Variants in GTF3C3 observed in about 807,000 individuals in gnomAD.
GTF3C3 encodes the protein general transcription factor 3C polypeptide 3.
Under a neutral mutation model 105.2 loss-of-function variants are expected in GTF3C3, and 75 were observed. The observed-to-expected ratio is 0.71, with a 90% CI of 0.59 to 0.86. The LOEUF is 0.86. GTF3C3 is among the 40% of genes least tolerant of loss of function. The probability of loss-of-function intolerance (pLI) is 0.00; values close to 1 mark genes in which losing one functional copy is unlikely to be tolerated. For missense variants in GTF3C3, 856 were observed against 1,076.5 expected, an observed-to-expected ratio of 0.80 and a Z score of 2.87; for synonymous variants, 335 against 370.4, an observed-to-expected ratio of 0.90 and a Z score of 1.10.
intron 12 of GTF3C3, 57 bp from the exon 13 acceptor site, chr2:196,775,308 CAA>C: frequency 6.7e-7 from 1 of 1,500,068 alleles, no homozygotes. Flanking sequence ...TGTTTAGAGA[CAA>C]AGTCTTGTTA....
At chr2:196,766,436 C>T (rs1699070503) in intron 17 of GTF3C3, 129 bp downstream of exon 17, 5 of 676,450 alleles carry the variant, frequency 7.4e-6, no homozygotes, top group Admixed American at 2.9e-5. Flanking sequence ...AACATAATTA[C>T]GTAAACATAC....
At chr2:196,778,701 G>C in intron 10 of GTF3C3, 195 bp downstream of exon 10, 1 of 591,102 alleles carries the variant, frequency 1.7e-6, no homozygotes, top group East Asian at 2.9e-5. Context: ...GCATCATTAA[G>C]TAAATCATTC....
At chr2:196,785,059 A>C (rs1699433952) in intron 7 of GTF3C3, 130 bp from the exon 8 acceptor site, 3 of 631,100 alleles carry the variant, frequency 4.8e-6, no homozygotes, top group Non-Finnish European at 8.0e-6. Flanking sequence ...GAGTCTTTTA[A>C]AAATGAGAAA....
At chr2:196,796,313 T>C (rs1332554210) in intron 2 of GTF3C3, among the ~76,000 whole-genome samples, 1 of 152,204 alleles carries the variant, frequency 6.6e-6, no homozygotes, top group Non-Finnish European at 1.5e-5. Flanking sequence ...TGAATTGGAC[T>C]CAGCTCACTC....
intron 17 of GTF3C3, among the ~76,000 whole-genome samples, chr2:196,766,093 T>A (rs944163301): frequency 1.3e-5 from 2 of 151,956 alleles, no homozygotes; most frequent in Non-Finnish European, 2.9e-5. Context: ...TACAGTGCTA[T>A]GTTAAAATAC....
At position 196,785,033 on chromosome 2, in the gene GTF3C3, G is replaced by C. The variant is rs556521265; in HGVS notation, c.1042-104C>G. 14 of 737,932 alleles carry C rather than the reference G, an allele frequency of 1.9e-5. No individual in the cohort carries two copies. The African/African-American group carries it at 2.1e-4, about 11-fold the overall frequency. 45.7% of individuals were successfully genotyped at this position (737,932 alleles called of 1,614,324 possible). On this transcript the variant is annotated intron_variant, in intron 7 of 17. Coordinates refer to ENST00000263956, the MANE Select transcript of GTF3C3 (RefSeq NM_012086.5). ...TTCAAATAATCCCTAATATAAAGTT[G>C]GGCTATAAAAAGAAAGAGTCTTTTA...
chr2:196,790,463 A>G (rs1305791377), intron 4 of GTF3C3, among the ~76,000 whole-genome samples: 3 of 152,210 alleles, frequency 2.0e-5, no homozygotes, highest in Admixed American at 6.5e-5. Context: ...GGAGTATGGT[A>G]TGAATGAACA....
chr2:196,782,964 C>T (rs1270625703), intron 8 of GTF3C3, among the ~76,000 whole-genome samples: 1 of 152,164 alleles, frequency 6.6e-6, no homozygotes, highest in East Asian at 1.9e-4. Flanking sequence ...TTCTCCTGAA[C>T]TCCCATTAGG....
At chr2:196,791,578 A>C (rs1485435340) in intron 3 of GTF3C3, 118 bp from the exon 4 acceptor site, 1 of 844,962 alleles carries the variant, frequency 1.2e-6, no homozygotes, top group Non-Finnish European at 1.8e-6. Context: ...AAAAATTTTC[A>C]GTTTTTGCAA....
At chr2:196,771,403 C>G (rs1300538376) in intron 15 of GTF3C3, among the ~76,000 whole-genome samples, 1 of 152,008 alleles carries the variant, frequency 6.6e-6, no homozygotes, top group African/African-American at 2.4e-5. Flanking sequence ...AATTGTTGAC[C>G]GTTAAAATGA....
At chr2:196,777,279 A>T (rs1699274755) in intron 10 of GTF3C3, among the ~76,000 whole-genome samples, 1 of 151,358 alleles carries the variant, frequency 6.6e-6, no homozygotes, top group African/African-American at 2.4e-5. Context: ...CTCTCACTTC[A>T]CTCATTTTTG....
At chr2:196,779,179 G>A in intron 9 of GTF3C3, 112 bp from the exon 10 acceptor site, 1 of 796,294 alleles carries the variant, frequency 1.3e-6, no homozygotes. Flanking sequence ...CCACGCTGGA[G>A]TGCAGTGGCA....
rs778879047 is a variant in GTF3C3 at position 196,772,956 on chromosome 2, T to C, written c.2029A>G (p.Ile677Val). 5 of 1,591,482 alleles carry C rather than the reference T, an allele frequency of 3.1e-6. No homozygotes were observed. Among genetic ancestry groups the C allele is most frequent in the African/African-American group, 2.7e-5 (2 of 73,622 alleles). Residue 677 changes from isoleucine (I) to valine (V), a missense_variant, in exon 14 of 18, where the codon ATT becomes GTT. By Grantham distance (29) the Ile-to-Val change is conservative (BLOSUM62 3). Around this residue, in one of 3 missense-constraint regions of GTF3C3, gnomAD observed 605 missense variants for 833.6 expected, o/e 0.73. Transcript: ENST00000263956. Reference protein sequence around the residue: ...ELEYFGLSAAILDKNFRKAYN... With the variant: ...ELEYFGLSAAVLDKNFRKAYN... ...GCCTTTCTGAAATTTTTGTCCAGAA[T>C]TGCAGCAGACAGACCAAAGTATTCT...
At chr2:196,773,475 C>T (rs1699211738) in intron 13 of GTF3C3, among the ~76,000 whole-genome samples, 1 of 152,176 alleles carries the variant, frequency 6.6e-6, no homozygotes, top group Admixed American at 6.5e-5. Flanking sequence ...AGTATACTTT[C>T]TATGACTGTA....
Position 196,766,558 on chromosome 2 carries a change from A to G in GTF3C3, c.2538+7T>C. On this transcript the variant is annotated splice_region_variant and intron_variant, in intron 17 of 17. Coordinates refer to ENST00000263956, the MANE Select transcript of GTF3C3 (RefSeq NM_012086.5). ...TGAAGTGTCTCAGTTTTAAAAATGC[A>G]CAATACCTCTACCACAAGTGGAGGG... 2 of 1,599,356 alleles carry G rather than the reference A, an allele frequency of 1.3e-6. No individual in the cohort carries two copies. Among genetic ancestry groups the G allele is most frequent in the African/African-American group, 2.7e-5 (2 of 74,506 alleles).
At chr2:196,772,016 C>T in intron 14 of GTF3C3, 78 bp from the exon 15 acceptor site, 1 of 921,764 alleles carries the variant, frequency 1.1e-6, no homozygotes. Context: ...CCCTTCAGTG[C>T]TGTCCTACCA....
intron 6 of GTF3C3, among the ~76,000 whole-genome samples, chr2:196,787,166 C>G (rs1222512665): frequency 6.6e-6 from 1 of 151,094 alleles, no homozygotes; most frequent in Non-Finnish European, 1.5e-5. Context: ...CATACATAAT[C>G]TGATTACTTC....
rs1167931460 is a variant in GTF3C3, at chr2:196,763,432, AAATT to A, written c.*1127_*1130del. The stretch of plus-strand genomic sequence containing the variant: ...ATTACCTATAAATGGCATAAAGTAA[AAATT>A]AAGCATGTGAAACAGTTAACCTCAA... On this transcript the variant is annotated 3_prime_UTR_variant, in exon 18 of 18. Transcript: ENST00000263956. The A allele has an allele frequency of 6.6e-6, 1 of 152,222 alleles. No individual in the cohort carries two copies. The highest frequency in any genetic ancestry group is 1.5e-5 in the Non-Finnish European group (1 of 68,042). The allele number at this position is 152,222 out of a possible 1,614,324, so 9.4% of individuals were successfully genotyped here. A position where few individuals can be genotyped will look rare whatever the true frequency, so the allele number is the denominator to read the frequency against.
intron 16 of GTF3C3, among the ~76,000 whole-genome samples, chr2:196,769,624 C>A (rs1699134869): frequency 6.6e-6 from 1 of 151,816 alleles, no homozygotes; most frequent in Non-Finnish European, 1.5e-5. Context: ...TGGTTAGAGA[C>A]CTTGAGGACC....
Sources: gnomAD v4.1 joint callset for allele counts (sites outside exome capture counted in the v4.1 genomes callset) on GRCh38, gnomAD v4.1.1 for gene constraint, gnomAD v4.1.1 regional missense constraint, MANE v1.5 for transcripts, NCBI Gene and HGNC (gene_info 2026-07-23, HGNC 2026-07-21) for gene names.